The following HIVEP1 variants were observed in gnomAD, a reference collection of about 807,000 sequenced individuals.
HIVEP1 encodes the protein zinc finger protein 40.
A neutral mutation model predicts 180.0 loss-of-function variants in HIVEP1; 36 were observed. The ratio of observed to expected loss-of-function variants is 0.20; its 90% CI spans 0.15 to 0.26. The LOEUF is 0.26. HIVEP1 is among the 10% of genes least tolerant of loss of function. The pLI is 1.00. For missense variants in HIVEP1, 3,143 were observed against 3,268.7 expected, an observed-to-expected ratio of 0.96 and a Z score of 0.94; for synonymous variants, 1,239 against 1,239.0, an observed-to-expected ratio of 1.00 and a Z score of 0.00.
the HIVEP1 span, among the ~76,000 whole-genome samples, chr6:12,189,103 C>A: frequency 3.3e-5 from 5 of 151,794 alleles, no homozygotes; most frequent in Admixed American, 3.3e-4. Flanking sequence ...TAGTAGATAA[C>A]GGTGGAGTGT....
chr6:12,168,291 A>ATATATACATATATACATATAT (rs1554161589), downstream of HIVEP1, among the ~76,000 whole-genome samples: 84 of 72,380 alleles, frequency 1.2e-3, 3 homozygotes, highest in African/African-American at 3.1e-3. Context: ...TATTATATAC[A>ATATATACATATATACATATAT]TATATACATA....
chr6:12,135,376 C>A (rs1196147982), intron 6 of HIVEP1, among the ~76,000 whole-genome samples: 1 of 152,062 alleles, frequency 6.6e-6, no homozygotes, highest in East Asian at 1.9e-4. Context: ...GATAAACTTA[C>A]AATTAAAAGT....
At chr6:12,166,545 A>G (rs1468704901), downstream of HIVEP1, among the ~76,000 whole-genome samples, 1 of 152,218 alleles carries the variant, frequency 6.6e-6, no homozygotes, top group African/African-American at 2.4e-5. Flanking sequence ...TTTTGCTAGT[A>G]TTTGAAATAT....
chr6:12,026,323 C>T lies in HIVEP1; in HGVS notation c.40+10655C>T, dbSNP rs148444004. 1.5e-3 allele frequency among the ~76,000 whole-genome samples: 231 copies of T among 152,228 alleles called. 2 individuals are homozygous for T. The highest frequency in any genetic ancestry group is 5.3e-3 in the African/African-American group (221 of 41,534). The stretch of plus-strand genomic sequence containing the variant: ...AGTAAAGCAATGAGGAAATACCTCG[C>T]GGAGGAGTCAACTTTCTTCTTAACT... On this transcript the variant is annotated intron_variant, in intron 2 of 8. Transcript: ENST00000379388.
chr6:12,179,355 T>C, the HIVEP1 span, among the ~76,000 whole-genome samples: 1 of 152,210 alleles, frequency 6.6e-6, no homozygotes, highest in South Asian at 2.1e-4. Context: ...TATCATTTTT[T>C]GCTCCCCTGC....
At chr6:12,104,105 T>C (rs1774263487) in intron 3 of HIVEP1, among the ~76,000 whole-genome samples, 1 of 152,186 alleles carries the variant, frequency 6.6e-6, no homozygotes, top group Non-Finnish European at 1.5e-5. Flanking sequence ...TTTTGGGCCT[T>C]GTCTTTGACT....
At chr6:12,174,037 T>C in the HIVEP1 span, among the ~76,000 whole-genome samples, 1 of 152,212 alleles carries the variant, frequency 6.6e-6, no homozygotes, top group East Asian at 1.9e-4. Context: ...ATCTCTATAC[T>C]TTCATTACAC....
intron 2 of HIVEP1, among the ~76,000 whole-genome samples, chr6:12,083,231 T>G (rs574684693): frequency 4.1e-4 from 63 of 152,262 alleles, no homozygotes; most frequent in Non-Finnish European, 6.9e-4. Context: ...TAATATAATA[T>G]ATGTTGAGCA....
chr6:12,032,241 C>T (rs1561870187), intron 2 of HIVEP1, among the ~76,000 whole-genome samples: 2 of 150,778 alleles, frequency 1.3e-5, no homozygotes, highest in Non-Finnish European at 2.9e-5. Flanking sequence ...CCCGGTTTCA[C>T]GCCATTCTCC....
chr6:12,038,976 C>T (rs930558413), intron 2 of HIVEP1: 6 of 152,074 alleles, frequency 3.9e-5, no homozygotes, highest in Non-Finnish European at 8.8e-5. Context: ...ATATAATATA[C>T]CTGGCAGAGT....
intron 3 of HIVEP1, among the ~76,000 whole-genome samples, chr6:12,100,382 G>A (rs1365493447): frequency 6.6e-6 from 1 of 152,144 alleles, no homozygotes; most frequent in Non-Finnish European, 1.5e-5. Flanking sequence ...GAATGGTTGC[G>A]GCTTGCAGAA....
intron 2 of HIVEP1, chr6:12,020,291 A>C: frequency 4.2e-6 from 2 of 470,882 alleles, no homozygotes; most frequent in Non-Finnish European, 4.4e-6. Context: ...ATCCTTTGTG[A>C]GGTTGAAGAA....
At chr6:12,079,376 A>G (rs1425156127) in intron 2 of HIVEP1, among the ~76,000 whole-genome samples, 1 of 152,188 alleles carries the variant, frequency 6.6e-6, no homozygotes, top group African/African-American at 2.4e-5. Flanking sequence ...TATTAAAAAT[A>G]TAGGCTCTGG....
At chr6:12,195,347 C>CAAG in the HIVEP1 span, among the ~76,000 whole-genome samples, 2 of 152,008 alleles carry the variant, frequency 1.3e-5, no homozygotes, top group African/African-American at 4.8e-5. Flanking sequence ...ACAGAGAACA[C>CAAG]AAGAGTGGCC....
Position 12,125,134 on chromosome 6 carries a change from T to C in HIVEP1, c.5339T>C (p.Leu1780Ser), listed in dbSNP as rs1297751482. 1.2e-6 allele frequency: 2 copies of C among 1,613,644 alleles called. No homozygotes were observed. Among genetic ancestry groups the C allele is most frequent in the Non-Finnish European group, 8.5e-7 (1 of 1,179,908 alleles). ...GAVCATDVRP[L>S]EALSSRVNEA... is the part of the protein sequence containing the mutation. ...GTTTGTGCAACAGACGTGAGACCTT[T>C]AGAGGCTTTGAGTTCGAGAGTTAAT... The change falls in exon 4 of 9, where the codon TTA (leucine) becomes TCA (serine). Residue 1780 changes from leucine (L) to serine (S), a missense_variant. This residue lies in a region of HIVEP1 where 1,357 missense variants were observed against 1,260.5 expected (regional missense o/e 1.08). Transcript: ENST00000379388.
chr6:12,138,659 G>T (rs139534593), intron 7 of HIVEP1, among the ~76,000 whole-genome samples: 2 of 151,932 alleles, frequency 1.3e-5, no homozygotes, highest in African/African-American at 4.8e-5. Flanking sequence ...AGTCTCATCC[G>T]GTCTCCTGAC....
the HIVEP1 span, among the ~76,000 whole-genome samples, chr6:12,187,864 G>C: frequency 6.6e-6 from 1 of 152,094 alleles, no homozygotes. Flanking sequence ...GGGATTACAG[G>C]TGTGAGCCAC....
At chr6:12,156,998 T>C (rs1373142798) in intron 7 of HIVEP1, among the ~76,000 whole-genome samples, 1 of 152,168 alleles carries the variant, frequency 6.6e-6, no homozygotes, top group Non-Finnish European at 1.5e-5. Context: ...ATTTCGAAGC[T>C]CTATTGCGTA....
At position 12,120,384 on chromosome 6, in the gene HIVEP1, G is replaced by T; in HGVS notation, c.589G>T (p.Asp197Tyr). Reference sequence around the variant, plus strand: ...CCCCTCCTATACAAACACTGCATTCGATGTCTTACTGAAAGCAATGGAGCC... The same window carrying T: ...CCCCTCCTATACAAACACTGCATTCTATGTCTTACTGAAAGCAATGGAGCC... ...TSPSYTNTAF[D>Y]VLLKAMEPEL... Residue 197 changes from aspartate to tyrosine, a missense_variant, in exon 4 of 9, where the codon GAT (aspartate) becomes TAT (tyrosine). Physicochemically the swap from Asp to Tyr is radical, Grantham distance 160. Coordinates refer to ENST00000379388, the MANE Select transcript of HIVEP1 (RefSeq NM_002114.4). The T allele has an allele frequency of 6.2e-7, 1 of 1,614,118 alleles. No individual in the cohort carries two copies. Among genetic ancestry groups the T allele is most frequent in the Non-Finnish European group, 8.5e-7 (1 of 1,180,014 alleles).
Sources: gnomAD v4.1 joint callset for allele counts (sites outside exome capture counted in the v4.1 genomes callset) on GRCh38, gnomAD v4.1.1 for gene constraint, gnomAD v4.1.1 regional missense constraint, MANE v1.5 for transcripts, NCBI Gene and HGNC (gene_info 2026-07-23, HGNC 2026-07-21) for gene names.